The following STAC variants were observed in gnomAD, a reference collection of about 807,000 sequenced individuals.
STAC encodes SH3 and cysteine rich domain, also known as SH3 and cysteine-rich domain-containing protein.
Under a neutral mutation model 48.8 loss-of-function variants are expected in STAC, and 43 were observed. The observed-to-expected ratio is 0.88, with a 90% confidence interval of 0.69 to 1.14. The LOEUF is 1.14. STAC is among the 50% of genes most tolerant of loss of function. STAC has a pLI of 0.00. For missense variants in STAC, 497 were observed against 504.0 expected, an observed-to-expected ratio of 0.99 and a Z score of 0.13; for synonymous variants, 193 against 179.5, an observed-to-expected ratio of 1.07 and a Z score of -0.60.
chr3:36,492,590 G>A (rs1435991731), intron 5 of STAC, among the ~76,000 whole-genome samples: 1 of 152,134 alleles, frequency 6.6e-6, no homozygotes, highest in East Asian at 1.9e-4. Flanking sequence ...TGTTATTATT[G>A]TTGTTTTTGT....
At chr3:36,436,529 C>G (rs1020824278) in intron 1 of STAC, among the ~76,000 whole-genome samples, 1 of 152,206 alleles carries the variant, frequency 6.6e-6, no homozygotes, top group African/African-American at 2.4e-5. Context: ...ATACCCTGCC[C>G]TTGATCTCTT....
At chr3:36,478,276 A>G (rs1575227128) in intron 2 of STAC, among the ~76,000 whole-genome samples, 1 of 152,332 alleles carries the variant, frequency 6.6e-6, no homozygotes, top group East Asian at 1.9e-4. Flanking sequence ...TTTGTGATAC[A>G]TGGCCAATTT....
chr3:36,514,542 C>T (rs1158215108), intron 8 of STAC, among the ~76,000 whole-genome samples: 1 of 152,184 alleles, frequency 6.6e-6, no homozygotes. Flanking sequence ...TAGTCTCTAT[C>T]TCTCCTGTAA....
At chr3:36,515,797 G>T (rs1425254457) in intron 8 of STAC, among the ~76,000 whole-genome samples, 11 of 151,978 alleles carry the variant, frequency 7.2e-5, no homozygotes, top group Non-Finnish European at 1.5e-4. Context: ...AGATTCAACA[G>T]AACTCTGTTT....
chr3:36,451,285 A>C (rs1373009816), intron 2 of STAC, among the ~76,000 whole-genome samples: 1 of 152,224 alleles, frequency 6.6e-6, no homozygotes, highest in Non-Finnish European at 1.5e-5. Context: ...AAATTATTAA[A>C]AAGTAAAAAT....
At chr3:36,439,425 G>A (rs1392860826) in intron 1 of STAC, among the ~76,000 whole-genome samples, 3 of 152,122 alleles carry the variant, frequency 2.0e-5, no homozygotes, top group Non-Finnish European at 4.4e-5. Flanking sequence ...CAGGGTGGGT[G>A]TTATTCTGAT....
chr3:36,389,275 A>C (rs894407528), intron 1 of STAC, among the ~76,000 whole-genome samples: 3 of 152,184 alleles, frequency 2.0e-5, no homozygotes, highest in African/African-American at 7.2e-5. Context: ...TAGAAGCTGG[A>C]AAATCCAAGA....
intron 6 of STAC, among the ~76,000 whole-genome samples, chr3:36,500,004 A>G (rs1698244382): frequency 6.6e-6 from 1 of 152,210 alleles, no homozygotes; most frequent in Non-Finnish European, 1.5e-5. Flanking sequence ...CATATACCTG[A>G]TACATAGCCT....
chr3:36,398,363 G>GAAAGAAAGAAAGAAAGAAAAGA (rs1553631483), intron 1 of STAC, among the ~76,000 whole-genome samples: 1 of 124,884 alleles, frequency 8.0e-6, no homozygotes, highest in South Asian at 2.6e-4. Context: ...AAGAAAGAAA[G>GAAAGAAAGAAAGAAAGAAAAGA]AAAGAAAAGA....
At chr3:36,511,254 GAAT>G (rs1399857855) in intron 8 of STAC, among the ~76,000 whole-genome samples, 2 of 152,114 alleles carry the variant, frequency 1.3e-5, no homozygotes, top group Admixed American at 6.5e-5. Flanking sequence ...ATTTATAAAA[GAAT>G]AATAATGATC....
intron 10 of STAC, among the ~76,000 whole-genome samples, chr3:36,544,295 G>A (rs2125506712): frequency 6.6e-6 from 1 of 151,970 alleles, no homozygotes; most frequent in Non-Finnish European, 1.5e-5. Flanking sequence ...TCGGCCTCCT[G>A]AGTAGCTGGG....
At chr3:36,509,461 TG>T (rs1698483163) in intron 8 of STAC, among the ~76,000 whole-genome samples, 1 of 152,200 alleles carries the variant, frequency 6.6e-6, no homozygotes, top group South Asian at 2.1e-4. Context: ...CTTGTTAGTT[TG>T]GGGAAGTTCT....
intron 1 of STAC, among the ~76,000 whole-genome samples, chr3:36,407,413 A>G (rs1700107423): frequency 6.6e-6 from 1 of 152,226 alleles, no homozygotes; most frequent in Admixed American, 6.5e-5. Flanking sequence ...AATTGGTAGA[A>G]GCCAGATCCC....
chr3:36,389,481 T>G (rs888275848), intron 1 of STAC, among the ~76,000 whole-genome samples: 2 of 152,192 alleles, frequency 1.3e-5, no homozygotes, highest in African/African-American at 4.8e-5. Context: ...ACTGGTGGAT[T>G]AATTTTCAAC....
intron 3 of STAC, among the ~76,000 whole-genome samples, chr3:36,484,194 C>T (rs990702728): frequency 1.3e-5 from 2 of 152,124 alleles, no homozygotes; most frequent in Non-Finnish European, 2.9e-5. Flanking sequence ...TAATGTCTTG[C>T]TTCCAGGGTT....
intron 8 of STAC, among the ~76,000 whole-genome samples, chr3:36,526,806 T>G (rs957624683): frequency 6.6e-6 from 1 of 152,284 alleles, no homozygotes; most frequent in East Asian, 1.9e-4. Flanking sequence ...TGTGTTGAGA[T>G]AACTCTGGAC....
intron 1 of STAC, among the ~76,000 whole-genome samples, chr3:36,418,433 G>C (rs563058419): frequency 6.6e-6 from 1 of 152,224 alleles, no homozygotes; most frequent in South Asian, 2.1e-4. Flanking sequence ...TTTAATGTTT[G>C]CCTTTGGGTT....
intron 8 of STAC, among the ~76,000 whole-genome samples, chr3:36,516,229 G>A (rs539816687): frequency 6.3e-4 from 96 of 151,934 alleles, no homozygotes; most frequent in African/African-American, 2.0e-3. Context: ...TGATCCTCCC[G>A]TCTCAGCCTC....
chr3:36,505,253 A>C (rs1360922291), intron 7 of STAC, among the ~76,000 whole-genome samples: 1 of 152,126 alleles, frequency 6.6e-6, no homozygotes, highest in African/African-American at 2.4e-5. Context: ...GTCTCATGCC[A>C]AAACCTATGC....
Sources: gnomAD v4.1 joint callset for allele counts (sites outside exome capture counted in the v4.1 genomes callset) on GRCh38, gnomAD v4.1.1 for gene constraint, MANE v1.5 for transcripts, NCBI Gene and HGNC (gene_info 2026-07-23, HGNC 2026-07-21) for gene names.